The following RYR2 variants were observed in gnomAD, a reference collection of about 807,000 sequenced individuals.
The protein encoded by RYR2 is cardiac muscle ryanodine receptor-calcium release channel.
Under a neutral mutation model 601.1 loss-of-function variants are expected in RYR2, and 227 were observed. The observed-to-expected ratio is 0.38, with a 90% CI of 0.34 to 0.42. The LOEUF is 0.42. Ranked by LOEUF, RYR2 falls within the 10% of genes least tolerant of loss-of-function variation. The pLI is 1.00. For synonymous variants in RYR2, 2,223 were observed against 2,175.1 expected, an observed-to-expected ratio of 1.02 and a Z score of -0.61; for missense variants, 4,646 against 6,156.5, an observed-to-expected ratio of 0.75 and a Z score of 8.21.
rs111679170 is a variant in RYR2, at chr1:237,486,537, A to G, written c.1709-5269A>G. Among the ~76,000 whole-genome samples the G allele has an allele frequency of 5.2e-3, 714 of 137,906 alleles. 7 individuals are homozygous for G. The highest frequency in any genetic ancestry group is 0.019 in the African/African-American group (686 of 36,770). 90.5% of individuals were successfully genotyped at this position (137,906 alleles called of 152,430 possible). On this transcript the variant is annotated intron_variant, in intron 17 of 104. Coordinates refer to ENST00000366574, the MANE Select transcript of RYR2 (RefSeq NM_001035.3). ...TGAAGTATAAGACTTAAAAGACTCC[A>G]TAGATTAAAAGTTAATTATAGTTAT...
intron 42 of RYR2, 41 bp downstream of exon 42, chr1:237,631,582 CCTGG>C: frequency 1.3e-5 from 12 of 891,988 alleles, no homozygotes; most frequent in Non-Finnish European, 2.1e-5. Context: ...AGTATCATCT[CCTGG>C]AGTATATAGA....
At chr1:237,765,525 A>C (rs763132173) in intron 84 of RYR2, among the ~76,000 whole-genome samples, 3 of 152,204 alleles carry the variant, frequency 2.0e-5, no homozygotes, top group Non-Finnish European at 2.9e-5. Context: ...CATCTAATCA[A>C]ATTTATGTGA....
chr1:237,430,646 T>A (rs1389021991), intron 12 of RYR2, among the ~76,000 whole-genome samples: 1 of 152,184 alleles, frequency 6.6e-6, no homozygotes, highest in Non-Finnish European at 1.5e-5. Flanking sequence ...TATTTTACAA[T>A]GAAATCAGTT....
At chr1:237,548,386 T>C (rs766660932) in intron 25 of RYR2, 45 bp from the exon 26 acceptor site, 1 of 1,595,900 alleles carries the variant, frequency 6.3e-7, no homozygotes, top group East Asian at 2.2e-5. Flanking sequence ...GAGATTTTTA[T>C]GAAAAGGCCA....
At chr1:237,530,557 A>G in intron 25 of RYR2, 47 bp downstream of exon 25, 1 of 1,336,192 alleles carries the variant, frequency 7.5e-7, no homozygotes, top group Non-Finnish European at 1.1e-6. Flanking sequence ...GTAGAGATTT[A>G]GTGCAACCAA....
At chr1:237,804,842 CAAAG>C (rs1660433348) in intron 98 of RYR2, among the ~76,000 whole-genome samples, 2 of 151,958 alleles carry the variant, frequency 1.3e-5, no homozygotes, top group African/African-American at 2.4e-5. Context: ...AAATGAAAAG[CAAAG>C]AAGGGAAGAA....
chr1:237,404,303 A>G (rs1170005604), intron 10 of RYR2, among the ~76,000 whole-genome samples: 4 of 152,330 alleles, frequency 2.6e-5, no homozygotes, highest in Middle Eastern at 3.4e-3. Flanking sequence ...ACACTGGCAC[A>G]TGAGTCAAGG....
At chr1:237,146,332 C>T (rs1185753007) in intron 1 of RYR2, among the ~76,000 whole-genome samples, 3 of 152,182 alleles carry the variant, frequency 2.0e-5, no homozygotes, top group African/African-American at 4.8e-5. Context: ...CTAATGAACA[C>T]GGCACTGCTG....
chr1:237,107,710 C>T (rs761451777), intron 1 of RYR2, among the ~76,000 whole-genome samples: 5 of 152,012 alleles, frequency 3.3e-5, no homozygotes, highest in Non-Finnish European at 5.9e-5. Context: ...CTTGTGTGGT[C>T]ACAAAGGTGT....
chr1:237,133,272 G>A (rs2148712310), intron 1 of RYR2, among the ~76,000 whole-genome samples: 1 of 152,216 alleles, frequency 6.6e-6, no homozygotes, highest in African/African-American at 2.4e-5. Context: ...TGGAGAGCGA[G>A]GTCACTGGGA....
intron 3 of RYR2, among the ~76,000 whole-genome samples, chr1:237,333,423 G>T (rs962831435): frequency 6.6e-6 from 1 of 152,206 alleles, no homozygotes; most frequent in South Asian, 2.1e-4. Context: ...CAGCCACAGC[G>T]TTGGAGGAGG....
At chr1:237,429,922 T>C (rs1304260306) in intron 12 of RYR2, among the ~76,000 whole-genome samples, 1 of 151,970 alleles carries the variant, frequency 6.6e-6, no homozygotes, top group African/African-American at 2.4e-5. Flanking sequence ...TAAAGATTAT[T>C]CTATATCTAT....
chr1:237,590,707 C>T lies in RYR2; in HGVS notation c.3875C>T (p.Ser1292Phe). 6.2e-7 allele frequency: 1 copy of T among 1,601,708 alleles called. No homozygotes were observed. The highest frequency in any genetic ancestry group is 8.5e-7 in the Non-Finnish European group (1 of 1,172,034). ...CLKVTQKSFGSQNSNTDIMFY... is the reference protein window; with the variant it reads ...CLKVTQKSFGFQNSNTDIMFY... The stretch of plus-strand genomic sequence containing the variant: ...AAGGTCACTCAGAAGTCTTTTGGTT[C>T]TCAGAACAGCAACACTGATATCATG... Residue 1292 changes from serine (S) to phenylalanine (F), a missense_variant, in exon 31 of 105, where the codon TCT (serine) becomes TTT (phenylalanine). Ser to Phe is a radical substitution (Grantham distance 155, BLOSUM62 -2). This residue lies in a region of RYR2 where 1,807 missense variants were observed against 2,088.1 expected (regional missense o/e 0.87). Coordinates refer to ENST00000366574, the MANE Select transcript of RYR2 (RefSeq NM_001035.3).
At chr1:237,338,164 C>T (rs1037555713) in intron 3 of RYR2, among the ~76,000 whole-genome samples, 2 of 151,970 alleles carry the variant, frequency 1.3e-5, no homozygotes, top group African/African-American at 2.4e-5. Flanking sequence ...GTGCTGAGCT[C>T]GAGTAAGATG....
chr1:237,169,178 A>G (rs1677051629), intron 1 of RYR2, among the ~76,000 whole-genome samples: 1 of 152,144 alleles, frequency 6.6e-6, no homozygotes, highest in African/African-American at 2.4e-5. Context: ...TGTATTCATC[A>G]TTTTCTAAAT....
At chr1:237,286,626 G>A (rs931363458) in intron 2 of RYR2, among the ~76,000 whole-genome samples, 6 of 80,690 alleles carry the variant, frequency 7.4e-5, no homozygotes, top group East Asian at 4.0e-4. Flanking sequence ...ATAGCTACCC[G>A]TACTTGTTTT....
chr1:237,791,232 T>G (rs897959119), intron 92 of RYR2, among the ~76,000 whole-genome samples, 197 bp from the exon 93 acceptor site: 3 of 152,226 alleles, frequency 2.0e-5, no homozygotes, highest in Non-Finnish European at 4.4e-5. Context: ...GCGGGTATGC[T>G]TTTTTATTCT....
At chr1:237,730,187 A>G in intron 76 of RYR2, 73 bp from the exon 77 acceptor site, 1 of 813,554 alleles carries the variant, frequency 1.2e-6, no homozygotes, top group Admixed American at 1.8e-5. Flanking sequence ...TAATCTAGTA[A>G]TAAAGCACTA....
Position 237,792,085 on chromosome 1 carries a change from C to T in RYR2, c.13564-20C>T, listed in dbSNP as rs1658440972. ...TCTTAGATGCAGCAAACTGACTCTA[C>T]TTTAAATGCTTTGAATCAGGTCTCC... On this transcript the variant is annotated intron_variant, in intron 93 of 104. Coordinates refer to ENST00000366574, the MANE Select transcript of RYR2 (RefSeq NM_001035.3). 5 of 1,551,408 alleles carry T rather than the reference C, an allele frequency of 3.2e-6. No homozygotes were observed. In the South Asian group the frequency reaches 4.7e-5, roughly 15 times the overall value.
Sources: gnomAD v4.1 joint callset for allele counts (sites outside exome capture counted in the v4.1 genomes callset) on GRCh38, gnomAD v4.1.1 for gene constraint, gnomAD v4.1.1 regional missense constraint, MANE v1.5 for transcripts, NCBI Gene and HGNC (gene_info 2026-07-23, HGNC 2026-07-21) for gene names.